SLC35F4: variants seen among roughly 807,000 people sequenced by gnomAD.
SLC35F4 encodes the protein solute carrier family 35 member F4.
In SLC35F4, 24 loss-of-function variants were observed where a neutral mutation model predicts 44.2. That is an observed-to-expected ratio of 0.54 (90% confidence interval 0.39 to 0.76). The LOEUF (loss-of-function observed/expected upper bound fraction) is 0.76, where lower values mean the gene tolerates loss of function less well. SLC35F4 is among the 30% of genes least tolerant of loss of function. The pLI, the probability that SLC35F4 is intolerant of heterozygous loss-of-function variation, is 0.00. For synonymous variants in SLC35F4, 238 were observed against 223.6 expected, an observed-to-expected ratio of 1.06 and a Z score of -0.57; for missense variants, 562 against 586.1, an observed-to-expected ratio of 0.96 and a Z score of 0.42.
chr14:57,564,068 A>T lies in SLC35F4; in HGVS notation c.*67T>A. The T allele has an allele frequency of 6.4e-7, 1 of 1,571,958 alleles. No individual in the cohort carries two copies. Among genetic ancestry groups the T allele is most frequent in the Admixed American group, 1.7e-5 (1 of 58,020 alleles). On this transcript the variant is annotated 3_prime_UTR_variant, in exon 8 of 8. Coordinates refer to ENST00000556826, the MANE Select transcript of SLC35F4 (RefSeq NM_001306087.2). ...AGTTAATACTGTCGTTTGAGTGTAC[A>T]GGTAGTGAGAAAATTTTGTTATATT...
chr14:57,605,476 G>A (rs1299695391), intron 1 of SLC35F4, among the ~76,000 whole-genome samples: 3 of 152,212 alleles, frequency 2.0e-5, no homozygotes, highest in African/African-American at 4.8e-5. Context: ...TGAGGCTGCA[G>A]AAAAAATGAA....
intron 1 of SLC35F4, among the ~76,000 whole-genome samples, chr14:57,841,545 ATTAGAACCAGACCTT>A (rs980853169): frequency 2.6e-5 from 4 of 152,176 alleles, no homozygotes; most frequent in African/African-American, 9.7e-5. Context: ...TAGGCACATG[ATTAGAACCAGACCTT>A]TGATGGGCTA....
At chr14:57,843,911 T>G (rs115804135) in intron 1 of SLC35F4, among the ~76,000 whole-genome samples, 1,970 of 152,134 alleles carry the variant, frequency 0.013, 39 homozygotes, top group African/African-American at 0.042. Flanking sequence ...AAAATATATA[T>G]AGAGAGAGTC....
chr14:57,725,495 C>T (rs1428662575), intron 1 of SLC35F4, among the ~76,000 whole-genome samples: 1 of 152,218 alleles, frequency 6.6e-6, no homozygotes, highest in African/African-American at 2.4e-5. Flanking sequence ...TGCAATGCTT[C>T]TGCCAAGACT....
Position 57,698,058 on chromosome 14 carries a change from G to A in SLC35F4, c.104-103934C>T, listed in dbSNP as rs546704597. Among the ~76,000 whole-genome samples the A allele has an allele frequency of 9.2e-5, 14 of 152,230 alleles. No homozygotes were observed. In the South Asian group the frequency reaches 2.5e-3, roughly 27 times the overall value. On this transcript the variant is annotated intron_variant, in intron 1 of 7. Coordinates refer to ENST00000556826, the MANE Select transcript of SLC35F4 (RefSeq NM_001306087.2). ...TTCAGTTCTTCACATGTAAAATGGG[G>A]ATAATAATAACAGCACCTATCTCAT...
Position 57,581,274 on chromosome 14 carries a change from G to A in SLC35F4, c.747C>T (p.Asn249=), listed in dbSNP as rs761384401. 11 of 1,610,926 alleles carry A rather than the reference G, an allele frequency of 6.8e-6. 1 individual carries two copies. The South Asian group carries it at 1.1e-4, about 16-fold the overall frequency. Residue 249 remains asparagine (N), a synonymous_variant, in exon 4 of 8, where the codon AAC becomes AAT. Coordinates refer to ENST00000556826, the MANE Select transcript of SLC35F4 (RefSeq NM_001306087.2). ...ATDVSALFCC[N]KAFVFLLSWI... ...ATGACAGCAAGAAGACAAAGGCTTTGTTACAACAGAACAGAGCGGAGACAT... is the reference window on the plus strand; with the variant it reads ...ATGACAGCAAGAAGACAAAGGCTTTATTACAACAGAACAGAGCGGAGACAT...
chr14:57,912,951 T>C (rs1026802087), intron 1 of SLC35F4, among the ~76,000 whole-genome samples: 20 of 152,132 alleles, frequency 1.3e-4, no homozygotes, highest in African/African-American at 4.8e-4. Context: ...GCTCTGTTGT[T>C]AGACACATAC....
At chr14:57,803,945 G>T (rs974613390) in intron 1 of SLC35F4, among the ~76,000 whole-genome samples, 4 of 151,984 alleles carry the variant, frequency 2.6e-5, no homozygotes, top group Non-Finnish European at 4.4e-5. Context: ...AAATCATTGT[G>T]CAAAAATCAC....
In SLC35F4 at chr14:57,926,864, T is replaced by C. The variant is rs138424739; in HGVS notation, n.282+55049A>G. 5.1e-4 allele frequency among the ~76,000 whole-genome samples: 78 copies of C among 152,238 alleles called. 1 individual carries two copies. Among genetic ancestry groups the C allele is most frequent in the Admixed American group, 3.0e-3 (46 of 15,296 alleles). ...TTCCAAAAGATGTGCCCAATGTATG[T>C]CCTTCCCTCACCTGAAGTGGAGCCT... On this transcript the variant is annotated intron_variant and non_coding_transcript_variant, in intron 1 of 1. Coordinates refer to the SLC35F4 transcript ENST00000556568.
At chr14:57,916,407 T>C (rs1269123643) in intron 1 of SLC35F4, among the ~76,000 whole-genome samples, 3 of 152,320 alleles carry the variant, frequency 2.0e-5, no homozygotes, top group East Asian at 1.9e-4. Flanking sequence ...AAGATATTTT[T>C]CTTTATCATT....
chr14:57,904,739 G>A (rs1237655796), intron 1 of SLC35F4, among the ~76,000 whole-genome samples: 2 of 152,134 alleles, frequency 1.3e-5, no homozygotes, highest in African/African-American at 4.8e-5. Flanking sequence ...TGAGGCAAGT[G>A]AGGCTCAGAG....
chr14:57,828,134 A>G (rs1468115178), intron 1 of SLC35F4, among the ~76,000 whole-genome samples: 1 of 152,184 alleles, frequency 6.6e-6, no homozygotes, highest in African/African-American at 2.4e-5. Flanking sequence ...GATCACAGGA[A>G]CCCATGAGAT....
At chr14:57,827,182 A>T (rs2140926094) in intron 1 of SLC35F4, among the ~76,000 whole-genome samples, 1 of 152,338 alleles carries the variant, frequency 6.6e-6, no homozygotes, top group African/African-American at 2.4e-5. Context: ...GCAGCCATAA[A>T]AAAGAACAAG....
rs192723431 is a variant in SLC35F4 at position 57,713,684 on chromosome 14, A to G, written c.104-119560T>C. 9.0e-3 allele frequency among the ~76,000 whole-genome samples: 1,364 copies of G among 152,280 alleles called. 18 individuals are homozygous for G. Among genetic ancestry groups the G allele is most frequent in the Non-Finnish European group, 0.012 (798 of 68,010 alleles). On this transcript the variant is annotated intron_variant, in intron 1 of 7. Coordinates refer to ENST00000556826, the MANE Select transcript of SLC35F4 (RefSeq NM_001306087.2). ...ACAAGAAGGGTAAGGAGGTTTTCTT[A>G]TTCATTTTACCTTTGCCAGAGTCTA...
chr14:57,886,755 C>T (rs1234196542), intron 1 of SLC35F4, among the ~76,000 whole-genome samples: 1 of 149,650 alleles, frequency 6.7e-6, no homozygotes. Flanking sequence ...AAGCTTTTGG[C>T]CGAAAAAAAA....
intron 1 of SLC35F4, among the ~76,000 whole-genome samples, chr14:57,745,819 G>T (rs2076738888): frequency 6.6e-6 from 1 of 152,160 alleles, no homozygotes; most frequent in Non-Finnish European, 1.5e-5. Context: ...CAATAGCAAA[G>T]ACTTGGAACC....
chr14:57,600,657 A>C lies in SLC35F4; in HGVS notation c.104-6533T>G, dbSNP rs1330949299. Among the ~76,000 whole-genome samples the C allele has an allele frequency of 3.6e-5, 4 of 112,580 alleles. No homozygotes were observed. The South Asian group carries it at 1.4e-3, about 39-fold the overall frequency. The allele number at this position is 112,580 out of a possible 152,430, so 73.9% of individuals were successfully genotyped here. A position where few individuals can be genotyped will look rare whatever the true frequency, so the allele number is the denominator to read the frequency against. On this transcript the variant is annotated intron_variant, in intron 1 of 7. Transcript: ENST00000556826. The stretch of plus-strand genomic sequence containing the variant: ...CAGTGAGCCGAGATCCCGCCACTGC[A>C]CTCCAGCCTGGGCGACAGAGCAAGA...
At chr14:57,739,246 T>G (rs1429691545) in intron 1 of SLC35F4, among the ~76,000 whole-genome samples, 1 of 152,126 alleles carries the variant, frequency 6.6e-6, no homozygotes, top group Non-Finnish European at 1.5e-5. Flanking sequence ...CATGAAACAT[T>G]TCACCACCAT....
intron 1 of SLC35F4, among the ~76,000 whole-genome samples, chr14:57,622,964 A>G (rs911834610): frequency 1.1e-4 from 17 of 152,344 alleles, no homozygotes; most frequent in Non-Finnish European, 2.2e-4. Context: ...ACATAACAAT[A>G]TTAACCTTAA....
Sources: gnomAD v4.1 joint callset for allele counts (sites outside exome capture counted in the v4.1 genomes callset) on GRCh38, gnomAD v4.1.1 for gene constraint, MANE v1.5 for transcripts, NCBI Gene and HGNC (gene_info 2026-07-23, HGNC 2026-07-21) for gene names.